Variants in PKDCC observed in about 807,000 individuals in gnomAD.
The protein encoded by PKDCC is extracellular tyrosine-protein kinase PKDCC.
In PKDCC, 35 loss-of-function variants were observed where a neutral mutation model predicts 44.7. The ratio of observed to expected loss-of-function variants is 0.78; its 90% confidence interval spans 0.60 to 1.04. PKDCC has a LOEUF of 1.04. Ranked by LOEUF, PKDCC falls within the 50% of genes least tolerant of loss-of-function variation. The pLI, the probability that PKDCC is intolerant of heterozygous loss-of-function variation, is 0.00. For synonymous variants in PKDCC, 353 were observed against 303.3 expected (o/e 1.16, Z -1.70); for missense variants, 738 against 672.7 (o/e 1.10, Z -1.07).
At chr2:42,049,762 C>A (rs1558430926) in intron 1 of PKDCC, among the ~76,000 whole-genome samples, 1 of 152,152 alleles carries the variant, frequency 6.6e-6, no homozygotes, top group Non-Finnish European at 1.5e-5. Context: ...CACTCCACGT[C>A]CTCTCTCTCA....
In PKDCC at chr2:42,055,749, T is replaced by C. The variant is rs187283934; in HGVS notation, c.1222+356T>C. The C allele has an allele frequency of 4.9e-6, 1 of 202,940 alleles. No individual in the cohort carries two copies. Among genetic ancestry groups the C allele is most frequent in the Admixed American group, 5.6e-5 (1 of 17,996 alleles). 12.6% of individuals were successfully genotyped at this position (202,940 alleles called of 1,614,324 possible). A position where few individuals can be genotyped will look rare whatever the true frequency, so the allele number is the denominator to read the frequency against. On this transcript the variant is annotated intron_variant, in intron 5 of 6. Coordinates refer to ENST00000294964, the MANE Select transcript of PKDCC (RefSeq NM_138370.3). The surrounding 1 kb of genome is among the most constrained non-coding windows in gnomAD (Gnocchi z 4.5). ...GTTCACTATTACCCACCTCACCAAA[T>C]TCTTATGGGAATTAAATGTCAGGTG...
chr2:42,056,523 G>C (rs1180472702), intron 5 of PKDCC, among the ~76,000 whole-genome samples: 1 of 152,126 alleles, frequency 6.6e-6, no homozygotes, highest in African/African-American at 2.4e-5. Flanking sequence ...TGTGAATGAG[G>C]GTTGCTCTGA....
Position 42,051,800 on chromosome 2 carries a change from C to G in PKDCC, c.640-1439C>G, listed in dbSNP as rs1276396632. The stretch of plus-strand genomic sequence containing the variant: ...CCCATGCCAGCAGGATGACGGGGAG[C>G]TGAGGGGGCACTCCTAGGGCGGGAA... On this transcript the variant is annotated intron_variant, in intron 1 of 6. Transcript: ENST00000294964. This position sits in a 1 kb window ranked among gnomAD's most constrained non-coding sequence, Gnocchi z 4.2. 6.6e-6 allele frequency among the ~76,000 whole-genome samples: 1 copy of G among 152,070 alleles called. No homozygotes were observed. Among genetic ancestry groups the G allele is most frequent in the Non-Finnish European group, 1.5e-5 (1 of 67,992 alleles).
Position 42,057,690 on chromosome 2 carries a change from C to G in PKDCC, c.*2C>G. On this transcript the variant is annotated 3_prime_UTR_variant, in exon 7 of 7. Coordinates refer to ENST00000294964, the MANE Select transcript of PKDCC (RefSeq NM_138370.3). ...ACATATGTGAAGGCCTCTGGCTGAC[C>G]TATCTGAGGGCTCGGCTGACCAGCT... 1.2e-6 allele frequency: 2 copies of G among 1,613,372 alleles called. No homozygotes were observed. The highest frequency in any genetic ancestry group is 2.7e-5 in the African/African-American group (2 of 75,050).
Position 42,054,399 on chromosome 2 carries a change from C to A in PKDCC, c.1034+92C>A. On this transcript the variant is annotated intron_variant, in intron 3 of 6. Coordinates refer to ENST00000294964, the MANE Select transcript of PKDCC (RefSeq NM_138370.3). This position sits in a 1 kb window ranked among gnomAD's most constrained non-coding sequence, Gnocchi z 6.1. ...AGAGCCAACGTGGAGGCCAGCTGGGCAGGGAGACTCAGCCTTGACCAGAGC... is the reference window on the plus strand; with the variant it reads ...AGAGCCAACGTGGAGGCCAGCTGGGAAGGGAGACTCAGCCTTGACCAGAGC... The A allele has an allele frequency of 7.0e-7, 1 of 1,425,080 alleles. No homozygotes were observed. Among genetic ancestry groups the A allele is most frequent in the Non-Finnish European group, 9.5e-7 (1 of 1,052,986 alleles). The allele number at this position is 1,425,080 out of a possible 1,614,324, so 88.3% of individuals were successfully genotyped here. A position where few individuals can be genotyped will look rare whatever the true frequency, so the allele number is the denominator to read the frequency against.
Position 42,048,340 on chromosome 2 carries a change from G to A in PKDCC, c.141G>A (p.Pro47=), listed in dbSNP as rs1327546410. ...CTGAGCCTTCGCCGGCCCCGGGTCC[G>A]GGCCGTCGCGGGGGCCGCGGGGAGC... ...QSPEPSPAPG[P]GRRGGRGELA... The change falls in exon 1 of 7, where the codon CCG becomes CCA. Residue 47 remains proline (P), a synonymous_variant. Transcript: ENST00000294964. The surrounding 1 kb of genome is among the most constrained non-coding windows in gnomAD (Gnocchi z 6.2). 2.0e-5 allele frequency: 23 copies of A among 1,174,094 alleles called. No individual in the cohort carries two copies. The Admixed American group carries it at 2.4e-4, about 12-fold the overall frequency. The allele number at this position is 1,174,094 out of a possible 1,614,324, so 72.7% of individuals were successfully genotyped here. A position where few individuals can be genotyped will look rare whatever the true frequency, so the allele number is the denominator to read the frequency against.
In PKDCC at chr2:42,054,547, G is replaced by T. The variant is rs1291497510; in HGVS notation, c.1034+240G>T. ...GCAGCTGGAGGCTTCTTAAAATAGT[G>T]TTGGACTCGGAGCCTAGGGCTGGTG... On this transcript the variant is annotated intron_variant, in intron 3 of 6. Coordinates refer to ENST00000294964, the MANE Select transcript of PKDCC (RefSeq NM_138370.3). The surrounding 1 kb of genome is among the most constrained non-coding windows in gnomAD (Gnocchi z 6.1). 1 of 577,986 alleles carries T rather than the reference G, an allele frequency of 1.7e-6. No homozygotes were observed. The allele number at this position is 577,986 out of a possible 1,614,324, so 35.8% of individuals were successfully genotyped here. A position where few individuals can be genotyped will look rare whatever the true frequency, so the allele number is the denominator to read the frequency against.
In PKDCC at chr2:42,055,141, G is replaced by T; in HGVS notation, c.1114+121G>T. The T allele has an allele frequency of 5.4e-6, 7 of 1,294,456 alleles. No individual in the cohort carries two copies. In the South Asian group the frequency reaches 8.8e-5, roughly 16 times the overall value. 80.2% of individuals were successfully genotyped at this position (1,294,456 alleles called of 1,614,324 possible). A position where few individuals can be genotyped will look rare whatever the true frequency, so the allele number is the denominator to read the frequency against. ...CTAGAAACCATCACTTCCTAAGGTG[G>T]CATTCTGCCGCAACCTCCCCGCTCC... On this transcript the variant is annotated intron_variant, in intron 4 of 6. Coordinates refer to ENST00000294964, the MANE Select transcript of PKDCC (RefSeq NM_138370.3). The surrounding 1 kb of genome is among the most constrained non-coding windows in gnomAD (Gnocchi z 4.5).
At chr2:42,056,762 A>C (rs1668063239) in intron 5 of PKDCC, among the ~76,000 whole-genome samples, 1 of 146,216 alleles carries the variant, frequency 6.8e-6, no homozygotes, top group Admixed American at 6.8e-5. Flanking sequence ...AGACCCCATC[A>C]AAAAAAAAAA....
Position 42,048,963 on chromosome 2 carries a change from A to C in PKDCC, c.639+125A>C. ...ACTGCACCCAGGCTAAGCTAGACGCAGAAACCGGACCATGGCCCTTCCCAC... is the reference window on the plus strand; with the variant it reads ...ACTGCACCCAGGCTAAGCTAGACGCCGAAACCGGACCATGGCCCTTCCCAC... On this transcript the variant is annotated intron_variant, in intron 1 of 6. Coordinates refer to ENST00000294964, the MANE Select transcript of PKDCC (RefSeq NM_138370.3). This position sits in a 1 kb window ranked among gnomAD's most constrained non-coding sequence, Gnocchi z 6.2. 1.5e-6 allele frequency: 2 copies of C among 1,308,484 alleles called. No homozygotes were observed. The highest frequency in any genetic ancestry group is 2.0e-6 in the Non-Finnish European group (2 of 1,023,076). 81.1% of individuals were successfully genotyped at this position (1,308,484 alleles called of 1,614,324 possible). A position where few individuals can be genotyped will look rare whatever the true frequency, so the allele number is the denominator to read the frequency against.
Position 42,057,998 on chromosome 2 carries a change from T to G in PKDCC, c.*310T>G, listed in dbSNP as rs1668086513. The G allele has an allele frequency of 2.4e-6, 1 of 412,558 alleles. No individual in the cohort carries two copies. 25.6% of individuals were successfully genotyped at this position (412,558 alleles called of 1,614,324 possible). A position where few individuals can be genotyped will look rare whatever the true frequency, so the allele number is the denominator to read the frequency against. On this transcript the variant is annotated 3_prime_UTR_variant, in exon 7 of 7. Transcript: ENST00000294964. The stretch of plus-strand genomic sequence containing the variant: ...CCCCACTGGGGGCTGTGCCCCTCCC[T>G]GGGACGGTTCCGTGGGCAGCCCCAT...
At chr2:42,050,164 G>T (rs2103924266) in intron 1 of PKDCC, among the ~76,000 whole-genome samples, 1 of 152,316 alleles carries the variant, frequency 6.6e-6, no homozygotes, top group African/African-American at 2.4e-5. Context: ...GCCCCAAACT[G>T]GTCTCAGGAG....
chr2:42,052,918 C>T lies in PKDCC; in HGVS notation c.640-321C>T, dbSNP rs766010561. On this transcript the variant is annotated intron_variant, in intron 1 of 6. Transcript: ENST00000294964. The surrounding 1 kb of genome is among the most constrained non-coding windows in gnomAD (Gnocchi z 4.3). ...GGAGATAATAATAGCACCTACTGTG[C>T]CCATTAGGGTTATTACAATAATTGA... 6.6e-6 allele frequency among the ~76,000 whole-genome samples: 1 copy of T among 152,146 alleles called. No individual in the cohort carries two copies. Among genetic ancestry groups the T allele is most frequent in the African/African-American group, 2.4e-5 (1 of 41,406 alleles).
At chr2:42,053,982 C>G in intron 2 of PKDCC, 54 bp from the exon 3 acceptor site, 1 of 1,572,326 alleles carries the variant, frequency 6.4e-7, no homozygotes, top group Non-Finnish European at 8.6e-7. Flanking sequence ...TCGAGTCCCA[C>G]AGACCCCCAA....
rs960251467 is a variant in PKDCC at position 42,048,186 on chromosome 2, G to A, written c.-14G>A. The A allele has an allele frequency of 9.0e-7, 1 of 1,115,608 alleles. No individual in the cohort carries two copies. Among genetic ancestry groups the A allele is most frequent in the Non-Finnish European group, 1.1e-6 (1 of 915,838 alleles). The allele number at this position is 1,115,608 out of a possible 1,614,324, so 69.1% of individuals were successfully genotyped here. On this transcript the variant is annotated 5_prime_UTR_variant, in exon 1 of 7. Coordinates refer to ENST00000294964, the MANE Select transcript of PKDCC (RefSeq NM_138370.3). The surrounding 1 kb of genome is among the most constrained non-coding windows in gnomAD (Gnocchi z 6.2). ...GGAGCCGCGCGGGGCCGGCCGGCCG[G>A]GGGGAGGGGAGCGATGCGGCGCCGG...
rs1474888716 is a variant in PKDCC at position 42,048,601 on chromosome 2, G to C, written c.402G>C (p.Ala134=). ...CGGGCCCGCGCCTGGGCTGCGCCGC[G>C]CTTCGCAACGTGTCCGGCGCGCAGT... The part of the protein sequence containing the change: ...PGPGPRLGCA[A]LRNVSGAQYM... Residue 134 remains alanine (A), a synonymous_variant, in exon 1 of 7, where the codon GCG becomes GCC. Coordinates refer to ENST00000294964, the MANE Select transcript of PKDCC (RefSeq NM_138370.3). The surrounding 1 kb of genome is among the most constrained non-coding windows in gnomAD (Gnocchi z 6.2). 8.7e-6 allele frequency: 13 copies of C among 1,499,456 alleles called. No homozygotes were observed. The highest frequency in any genetic ancestry group is 9.8e-6 in the Non-Finnish European group (11 of 1,124,570). 92.9% of individuals were successfully genotyped at this position (1,499,456 alleles called of 1,614,324 possible).
Position 42,051,079 on chromosome 2 carries a change from C to T in PKDCC, c.640-2160C>T, listed in dbSNP as rs1217868607. On this transcript the variant is annotated intron_variant, in intron 1 of 6. Coordinates refer to ENST00000294964, the MANE Select transcript of PKDCC (RefSeq NM_138370.3). The surrounding 1 kb of genome is among the most constrained non-coding windows in gnomAD (Gnocchi z 4.2). ...AGTTCCTAGTGGTGCAGGCTCACCA[C>T]CCTCCCTCTCTGAGCAGCCCAGAAT... 1.3e-5 allele frequency among the ~76,000 whole-genome samples: 2 copies of T among 152,088 alleles called. No homozygotes were observed. The highest frequency in any genetic ancestry group is 2.9e-5 in the Non-Finnish European group (2 of 68,014).
In PKDCC at chr2:42,051,631, G is replaced by A. The variant is rs1210886007; in HGVS notation, c.640-1608G>A. ...ACTCTGGGCAAGAAAATGAGAACCA[G>A]GCCCCAGGGCTGTTCCCCTTACCTT... On this transcript the variant is annotated intron_variant, in intron 1 of 6. Coordinates refer to ENST00000294964, the MANE Select transcript of PKDCC (RefSeq NM_138370.3). The surrounding 1 kb of genome is among the most constrained non-coding windows in gnomAD (Gnocchi z 4.2). Among the ~76,000 whole-genome samples the A allele has an allele frequency of 6.6e-6, 1 of 152,086 alleles. No homozygotes were observed. The highest frequency in any genetic ancestry group is 1.5e-5 in the Non-Finnish European group (1 of 67,998).
In PKDCC at chr2:42,055,612, G is replaced by C. The variant is rs924367276; in HGVS notation, c.1222+219G>C. The C allele has an allele frequency of 1.8e-6, 1 of 550,840 alleles. No individual in the cohort carries two copies. The highest frequency in any genetic ancestry group is 3.3e-6 in the Non-Finnish European group (1 of 306,612). The allele number at this position is 550,840 out of a possible 1,614,324, so 34.1% of individuals were successfully genotyped here. On this transcript the variant is annotated intron_variant, in intron 5 of 6. Coordinates refer to ENST00000294964, the MANE Select transcript of PKDCC (RefSeq NM_138370.3). This position sits in a 1 kb window ranked among gnomAD's most constrained non-coding sequence, Gnocchi z 4.5. ...CAACTATAATTCTGCCTTCAACCTG[G>C]GGTTGGGCACTGATACCCCTACTCT... is the stretch of plus-strand genomic sequence containing the variant.
Sources: gnomAD v4.1 joint callset for allele counts (sites outside exome capture counted in the v4.1 genomes callset) on GRCh38, gnomAD v4.1.1 for gene constraint, Gnocchi (gnomAD v3.1) non-coding constraint, MANE v1.5 for transcripts, NCBI Gene and HGNC (gene_info 2026-07-23, HGNC 2026-07-21) for gene names.